The following GPHN variants were observed in gnomAD, a reference collection of about 807,000 sequenced individuals.
GPHN encodes the protein gephyrin.
GPHN carries 17 observed loss-of-function variants against 95.5 expected under a neutral mutation model. The observed-to-expected ratio is 0.18, with a 90% confidence interval of 0.12 to 0.27. The LOEUF (loss-of-function observed/expected upper bound fraction) is 0.27, where lower values mean the gene tolerates loss of function less well. GPHN is among the 10% of genes least tolerant of loss of function. The probability of loss-of-function intolerance (pLI) is 1.00; values close to 1 mark genes in which losing one functional copy is unlikely to be tolerated. For missense variants in GPHN, 660 were observed against 978.1 expected (o/e 0.67, Z 4.34); for synonymous variants, 320 against 322.5 (o/e 0.99, Z 0.08).
the GPHN span, chr14:67,573,425 TC>T: frequency 8.5e-7 from 1 of 1,176,540 alleles, no homozygotes; most frequent in Non-Finnish European, 1.3e-6. The surrounding 1 kb of genome is among the most constrained non-coding windows in gnomAD (Gnocchi z 4.8). Flanking sequence ...TCAAAAGGTC[TC>T]CACATCACAC....
chr14:66,715,605 G>A (rs1028335516), intron 2 of GPHN, among the ~76,000 whole-genome samples: 14 of 152,116 alleles, frequency 9.2e-5, no homozygotes, highest in African/African-American at 2.9e-4. Flanking sequence ...TCTTTTTGAT[G>A]TAGGTGTTTA....
At chr14:67,603,844 G>A in the GPHN span, among the ~76,000 whole-genome samples, 117 of 151,812 alleles carry the variant, frequency 7.7e-4, no homozygotes, top group Middle Eastern at 0.01. Context: ...ACCATGCCCA[G>A]CTAATTTTGT....
At chr14:67,734,773 C>T in the GPHN span, among the ~76,000 whole-genome samples, 4 of 152,240 alleles carry the variant, frequency 2.6e-5, no homozygotes, top group South Asian at 8.3e-4. Flanking sequence ...CTGACGGAGA[C>T]ACTCTTCCCC....
At chr14:67,540,641 A>T in the GPHN span, among the ~76,000 whole-genome samples, 11 of 151,422 alleles carry the variant, frequency 7.3e-5, no homozygotes, top group East Asian at 1.9e-4. Context: ...AAAAAAAAAA[A>T]TTATCACCCT....
intron 2 of GPHN, among the ~76,000 whole-genome samples, chr14:66,750,662 T>G (rs148214762): frequency 2.0e-5 from 3 of 152,068 alleles, no homozygotes; most frequent in African/African-American, 7.2e-5. Flanking sequence ...TTACCAATGT[T>G]TTGTAAAATT....
chr14:66,659,156 CAG>C (rs1195445664), intron 1 of GPHN, among the ~76,000 whole-genome samples: 1 of 151,084 alleles, frequency 6.6e-6, no homozygotes. Flanking sequence ...TTTCAGTTTA[CAG>C]AGTGTGTGTG....
At chr14:67,325,112 A>T in the GPHN span, among the ~76,000 whole-genome samples, 1 of 151,752 alleles carries the variant, frequency 6.6e-6, no homozygotes, top group Non-Finnish European at 1.5e-5. Flanking sequence ...TCACCATGTT[A>T]GCCAGGATGG....
chr14:66,711,347 A>G (rs74407666), intron 2 of GPHN, among the ~76,000 whole-genome samples: 3 of 152,268 alleles, frequency 2.0e-5, no homozygotes, highest in East Asian at 3.9e-4. Flanking sequence ...AACCTCATCC[A>G]GGTCGCTATG....
At chr14:66,856,613 C>CA (rs2062811785) in intron 4 of GPHN, among the ~76,000 whole-genome samples, 1 of 151,950 alleles carries the variant, frequency 6.6e-6, no homozygotes, top group Non-Finnish European at 1.5e-5. Flanking sequence ...CATCTGAACT[C>CA]AATCTATAAA....
intron 4 of GPHN, among the ~76,000 whole-genome samples, chr14:66,856,001 A>G (rs2062788205): frequency 6.6e-6 from 1 of 152,076 alleles, no homozygotes; most frequent in Admixed American, 6.6e-5. Context: ...CTTTTTATTA[A>G]TTATTTCTGA....
At position 66,787,404 on chromosome 14, in the gene GPHN, C is replaced by T. The variant is rs2059814221; in HGVS notation, c.201+10883C>T. On this transcript the variant is annotated intron_variant, in intron 3 of 22. Coordinates refer to ENST00000478722, the MANE Select transcript of GPHN (RefSeq NM_020806.5). Reference sequence around the variant, plus strand: ...GAAAAATTCAGCATAGTAATGATGTCAGTTCTCCCCTAATTGAACCATAAA... The same window carrying T: ...GAAAAATTCAGCATAGTAATGATGTTAGTTCTCCCCTAATTGAACCATAAA... Among the ~76,000 whole-genome samples, 4 of 152,234 alleles carry T rather than the reference C, an allele frequency of 2.6e-5. No homozygotes were observed. The South Asian group carries it at 8.3e-4, about 32-fold the overall frequency.
chr14:67,675,874 T>C, the GPHN span, among the ~76,000 whole-genome samples: 1 of 152,186 alleles, frequency 6.6e-6, no homozygotes, highest in African/African-American at 2.4e-5. Context: ...GGCGGGCGGA[T>C]CACTTCAGGT....
chr14:66,632,136 A>C (rs1478232711), intron 1 of GPHN, among the ~76,000 whole-genome samples: 3 of 152,152 alleles, frequency 2.0e-5, no homozygotes, highest in Non-Finnish European at 2.9e-5. Flanking sequence ...CTTGTCTATA[A>C]AGAGGGGAGA....
intron 5 of GPHN, among the ~76,000 whole-genome samples, chr14:66,898,763 C>CA (rs1362058629): frequency 1.3e-5 from 2 of 151,718 alleles, no homozygotes; most frequent in African/African-American, 2.4e-5. Flanking sequence ...TCTATATCTA[C>CA]AAAAAAATTG....
chr14:67,325,006 G>A, the GPHN span, among the ~76,000 whole-genome samples: 3 of 140,738 alleles, frequency 2.1e-5, no homozygotes, highest in Non-Finnish European at 4.5e-5. Flanking sequence ...CCAGGTTCAC[G>A]CCATTCTCCT....
At chr14:67,497,256 A>G in the GPHN span, among the ~76,000 whole-genome samples, 2 of 152,104 alleles carry the variant, frequency 1.3e-5, no homozygotes, top group Admixed American at 6.6e-5. Context: ...ATCCGTCCCG[A>G]GGTTAGGCCA....
At chr14:66,949,243 C>T (rs1596476327) in intron 8 of GPHN, among the ~76,000 whole-genome samples, 6 of 152,080 alleles carry the variant, frequency 3.9e-5, no homozygotes, top group Admixed American at 3.3e-4. Flanking sequence ...TGCAATCACA[C>T]GCAGCTGATT....
chr14:67,661,173 G>A, the GPHN span, among the ~76,000 whole-genome samples: 1 of 149,330 alleles, frequency 6.7e-6, no homozygotes, highest in East Asian at 2.0e-4. Flanking sequence ...TATTTCTGCG[G>A]AGTACTAGCA....
the GPHN span, chr14:67,359,856 T>C: frequency 2.6e-6 from 2 of 764,810 alleles, no homozygotes; most frequent in East Asian, 2.8e-5. Context: ...CCATTTTCAC[T>C]TCCGCTTCCG....
Sources: allele counts gnomAD v4.1 joint callset (sites outside exome capture counted in the v4.1 genomes callset), GRCh38; gene constraint gnomAD v4.1.1; non-coding constraint Gnocchi (gnomAD v3.1); transcripts MANE v1.5; gene names NCBI Gene and HGNC (gene_info 2026-07-23, HGNC 2026-07-21).